LLGL2: variants seen among roughly 807,000 people sequenced by gnomAD.
The protein encoded by LLGL2 is LLGL scribble cell polarity complex component 2, also known as LLGL2, scribble cell polarity complex component.
In LLGL2, 81 loss-of-function variants were observed where a neutral mutation model predicts 123.2. The observed-to-expected ratio is 0.66, with a 90% CI of 0.55 to 0.79. The LOEUF is 0.79. LLGL2 is among the 30% of genes least tolerant of loss of function. The pLI, the probability that LLGL2 is intolerant of heterozygous loss-of-function variation, is 0.00. For synonymous variants in LLGL2, 577 were observed against 594.1 expected (o/e 0.97, Z 0.42); for missense variants, 1,273 against 1,414.6 (o/e 0.90, Z 1.61).
At chr17:75,535,226 G>A (rs1171530642) in intron 1 of LLGL2, among the ~76,000 whole-genome samples, 4 of 152,244 alleles carry the variant, frequency 2.6e-5, no homozygotes, top group Non-Finnish European at 4.4e-5. Flanking sequence ...ATTCACATCC[G>A]TCAAACAGGA....
chr17:75,572,392 G>A (rs149751383), intron 19 of LLGL2, among the ~76,000 whole-genome samples: 3,560 of 152,204 alleles, frequency 0.023, 123 homozygotes, highest in African/African-American at 0.08. Flanking sequence ...GGCCAGGCGC[G>A]GTGGCTCATG....
intron 6 of LLGL2, among the ~76,000 whole-genome samples, chr17:75,560,802 T>TAAAAAA (rs372940306): frequency 6.2e-5 from 6 of 96,114 alleles, no homozygotes; most frequent in South Asian, 5.4e-4. Flanking sequence ...GTTTATTTAT[T>TAAAAAA]AAAAAAAAAA....
intron 1 of LLGL2, among the ~76,000 whole-genome samples, chr17:75,530,316 A>G (rs1248086452): frequency 6.6e-6 from 1 of 152,104 alleles, no homozygotes; most frequent in Non-Finnish European, 1.5e-5. Flanking sequence ...CAGCCTGGGC[A>G]ACAGTGAGAT....
chr17:75,574,520 G>C lies in LLGL2; in HGVS notation c.2996+25G>C, dbSNP rs1329893088. On this transcript the variant is annotated intron_variant, in intron 24 of 25. Transcript: ENST00000392550. ...GGTGAGGCACCGCCCAGGCCAGCTG[G>C]GGTGGGCCCGAGGCTCTGCCAGAGG... The C allele has an allele frequency of 6.4e-6, 10 of 1,572,182 alleles. No homozygotes were observed. The East Asian group carries it at 2.4e-4, about 37-fold the overall frequency.
intron 3 of LLGL2, 33 bp downstream of exon 3, chr17:75,556,176 G>A (rs1420584003): frequency 2.5e-5 from 38 of 1,545,568 alleles, no homozygotes; most frequent in Non-Finnish European, 3.3e-5. Flanking sequence ...CACTCGGGCA[G>A]GGCCTTGGGG....
Position 75,570,196 on chromosome 17 carries a change from C to T in LLGL2, c.1815C>T (p.Phe605=), listed in dbSNP as rs147864220. 304 of 1,588,802 alleles carry T rather than the reference C, an allele frequency of 1.9e-4. No individual in the cohort carries two copies. The African/African-American group carries it at 2.6e-3, about 14-fold the overall frequency. ...ALHSEWRLVA[F]GTSHGFGLFD... ...ACTCTGAGTGGCGGCTCGTGGCCTT[C>T]GGCACCAGCCATGGCTTTGGCCTCT... Residue 605 remains phenylalanine (F), a synonymous_variant, in exon 15 of 26, where the codon TTC becomes TTT. Transcript: ENST00000392550.
At chr17:75,528,058 C>T (rs1383072924) in intron 1 of LLGL2, among the ~76,000 whole-genome samples, 2 of 152,046 alleles carry the variant, frequency 1.3e-5, no homozygotes, top group Non-Finnish European at 1.5e-5. Context: ...GTTAGGATTA[C>T]AGGCATGAAC....
chr17:75,554,382 C>T lies in LLGL2; in HGVS notation c.76-1664C>T, dbSNP rs530250361. The stretch of plus-strand genomic sequence containing the variant: ...ATCCCAGCGCTTTGGGAGGCCGAGG[C>T]AGGAGGATCGCTTGAGTCTAGAAGG... On this transcript the variant is annotated intron_variant, in intron 2 of 25. Transcript: ENST00000392550. Among the ~76,000 whole-genome samples the T allele has an allele frequency of 4.0e-5, 6 of 150,300 alleles. No individual in the cohort carries two copies. The East Asian group carries it at 1.2e-3, about 29-fold the overall frequency.
At chr17:75,536,132 G>A (rs117031010) in intron 1 of LLGL2, among the ~76,000 whole-genome samples, 3,749 of 152,354 alleles carry the variant, frequency 0.025, 51 homozygotes, top group Non-Finnish European at 0.039. Context: ...CAGGAGTGGA[G>A]ACTGAGGTTG....
rs1192612142 is a variant in LLGL2, at chr17:75,558,402, C to T, written c.256-110C>T. 1.7e-6 allele frequency: 2 copies of T among 1,159,946 alleles called. No homozygotes were observed. Among genetic ancestry groups the T allele is most frequent in the Non-Finnish European group, 2.4e-6 (2 of 821,072 alleles). 71.9% of individuals were successfully genotyped at this position (1,159,946 alleles called of 1,614,324 possible). ...TCCACAGCTGGGGCTCATGGGCCACCCTGGGAGTGGCCAGGGGGTCTTTTA... is the reference window on the plus strand; with the variant it reads ...TCCACAGCTGGGGCTCATGGGCCACTCTGGGAGTGGCCAGGGGGTCTTTTA... On this transcript the variant is annotated intron_variant, in intron 4 of 25. Coordinates refer to ENST00000392550, the MANE Select transcript of LLGL2 (RefSeq NM_001031803.2). This position sits in a 1 kb window ranked among gnomAD's most constrained non-coding sequence, Gnocchi z 4.0.
At chr17:75,542,538 A>G (rs545433623) in intron 1 of LLGL2, 1 of 152,410 alleles carries the variant, frequency 6.6e-6, no homozygotes, top group East Asian at 1.9e-4. Flanking sequence ...CCCAAGGATA[A>G]TCCAGAAATG....
At position 75,568,610 on chromosome 17, in the gene LLGL2, C is replaced by T. The variant is rs780676875; in HGVS notation, c.1171C>T (p.His391Tyr). ...GCACTGTTCCGCCATCACCTGCTCT[C>T]ACCACGTCTCCAACATCCCGCTGAA... ...SLHCSAITCS[H>Y]HVSNIPLKLW... Residue 391 changes from histidine (H) to tyrosine (Y), a missense_variant, in exon 11 of 26, where the codon CAC becomes TAC. By Grantham distance (83) the His-to-Tyr change is moderately conservative (BLOSUM62 2). Coordinates refer to ENST00000392550, the MANE Select transcript of LLGL2 (RefSeq NM_001031803.2). 19 of 1,613,984 alleles carry T rather than the reference C, an allele frequency of 1.2e-5. No homozygotes were observed. In the South Asian group the frequency reaches 2.0e-4, roughly 17 times the overall value.
intron 2 of LLGL2, among the ~76,000 whole-genome samples, chr17:75,552,402 T>A (rs2054718993): frequency 6.6e-6 from 1 of 152,150 alleles, no homozygotes. Flanking sequence ...GGCGGGAGGA[T>A]CACTTGAACC....
intron 1 of LLGL2, among the ~76,000 whole-genome samples, chr17:75,526,495 G>A (rs909197839): frequency 6.6e-6 from 1 of 152,210 alleles, no homozygotes; most frequent in Non-Finnish European, 1.5e-5. Flanking sequence ...AAGAAAGTGT[G>A]TCTTAGTTTG....
At chr17:75,563,646 G>C (rs963888881) in intron 8 of LLGL2, 106 bp from the exon 9 acceptor site, 2 of 1,489,604 alleles carry the variant, frequency 1.3e-6, no homozygotes, top group African/African-American at 2.8e-5. Context: ...CCCAAGCACA[G>C]GTCTACCATG....
intron 1 of LLGL2, among the ~76,000 whole-genome samples, chr17:75,537,060 T>G (rs2054029521): frequency 6.6e-6 from 1 of 152,122 alleles, no homozygotes; most frequent in African/African-American, 2.4e-5. Flanking sequence ...TGACCTCAAG[T>G]GATCCACCCG....
chr17:75,550,522 C>T (rs1022484832), intron 2 of LLGL2, among the ~76,000 whole-genome samples: 5 of 152,122 alleles, frequency 3.3e-5, no homozygotes, highest in Non-Finnish European at 1.5e-5. Flanking sequence ...CGGTGGCTTA[C>T]ACCTGTAATC....
chr17:75,535,029 G>A (rs959964723), intron 1 of LLGL2, among the ~76,000 whole-genome samples: 7 of 152,188 alleles, frequency 4.6e-5, no homozygotes, highest in African/African-American at 1.7e-4. Flanking sequence ...CCAAGGTTTG[G>A]TTGCTAAGCT....
chr17:75,526,855 G>C (rs1006659241), intron 1 of LLGL2, among the ~76,000 whole-genome samples: 4 of 152,154 alleles, frequency 2.6e-5, no homozygotes, highest in African/African-American at 9.7e-5. Context: ...GGCCCAGCCC[G>C]GGGGAAGCCA....
Sources: gnomAD v4.1 joint callset for allele counts (sites outside exome capture counted in the v4.1 genomes callset) on GRCh38, gnomAD v4.1.1 for gene constraint, Gnocchi (gnomAD v3.1) non-coding constraint, MANE v1.5 for transcripts, NCBI Gene and HGNC (gene_info 2026-07-23, HGNC 2026-07-21) for gene names.